Variants in RPH3A observed in about 807,000 individuals in gnomAD.
The protein encoded by RPH3A is rabphilin-3A.
RPH3A carries 48 observed loss-of-function variants against 102.2 expected under a neutral mutation model. The observed-to-expected ratio is 0.47, with a 90% confidence interval of 0.37 to 0.60. RPH3A has a LOEUF of 0.60. Among genes scored for constraint, RPH3A ranks in the 20% least tolerant of loss-of-function variants. The probability of loss-of-function intolerance (pLI) is 0.00; values close to 1 mark genes in which losing one functional copy is unlikely to be tolerated. For synonymous variants in RPH3A, 310 were observed against 324.3 expected (o/e 0.96, Z 0.47); for missense variants, 781 against 910.1 (o/e 0.86, Z 1.83).
Position 112,791,897 on chromosome 12 carries a change from A to G in RPH3A, c.-255A>G, listed in dbSNP as rs990964738. The G allele has an allele frequency of 1.3e-5, 2 of 151,264 alleles. No individual in the cohort carries two copies. Among genetic ancestry groups the G allele is most frequent in the South Asian group, 2.1e-4 (1 of 4,704 alleles). 9.4% of individuals were successfully genotyped at this position (151,264 alleles called of 1,614,324 possible). ...GAGAGAGAGAGAGAGAGAGAGAGAGAGAGAGAGACTCACAGAGCTAAAACC... is the reference window on the plus strand; with the variant it reads ...GAGAGAGAGAGAGAGAGAGAGAGAGGGAGAGAGACTCACAGAGCTAAAACC... On this transcript the variant is annotated 5_prime_UTR_variant, in exon 1 of 22. Coordinates refer to ENST00000389385, the MANE Select transcript of RPH3A (RefSeq NM_001143854.2).
chr12:112,829,267 C>CTTTTT, intron 3 of RPH3A, among the ~76,000 whole-genome samples: 1 of 148,286 alleles, frequency 6.7e-6, no homozygotes, highest in Non-Finnish European at 1.5e-5. Context: ...AAGAGAAAGG[C>CTTTTT]TTTTTTTTTT....
intron 1 of RPH3A, among the ~76,000 whole-genome samples, chr12:112,761,032 T>G (rs1362553907): frequency 6.6e-6 from 1 of 152,048 alleles, no homozygotes. Context: ...GTCATACAAA[T>G]AATTAGAGCT....
At chr12:112,817,229 C>A (rs376748562) in intron 2 of RPH3A, among the ~76,000 whole-genome samples, 54 of 152,236 alleles carry the variant, frequency 3.5e-4, no homozygotes, top group African/African-American at 1.3e-3. Context: ...TCAGCCCTGG[C>A]CCCACTTTCT....
intron 2 of RPH3A, among the ~76,000 whole-genome samples, chr12:112,827,455 G>A (rs893181246): frequency 7.2e-5 from 11 of 152,154 alleles, no homozygotes; most frequent in African/African-American, 2.4e-4. Context: ...TCATCAGTTG[G>A]TGAATACTGG....
intron 1 of RPH3A, among the ~76,000 whole-genome samples, chr12:112,676,400 G>T (rs1188419652): frequency 6.6e-6 from 1 of 152,230 alleles, no homozygotes; most frequent in Non-Finnish European, 1.5e-5. Flanking sequence ...GGCCGAATCT[G>T]CTCATCAAAG....
intron 1 of RPH3A, among the ~76,000 whole-genome samples, chr12:112,727,458 G>GACACACACACACAC (rs60493848): frequency 3.3e-4 from 10 of 30,614 alleles, no homozygotes; most frequent in African/African-American, 2.0e-3. Context: ...CACAGACACA[G>GACACACACACACAC]ACACACACAC....
intron 19 of RPH3A, chr12:112,893,380 G>A (rs1342992936): frequency 1.3e-5 from 2 of 152,206 alleles, no homozygotes; most frequent in Non-Finnish European, 2.9e-5. Flanking sequence ...TCAAGAAACA[G>A]AGGCACGGTA....
At chr12:112,733,583 C>G (rs762108272) in intron 1 of RPH3A, among the ~76,000 whole-genome samples, 1 of 152,092 alleles carries the variant, frequency 6.6e-6, no homozygotes, top group Non-Finnish European at 1.5e-5. Context: ...AGTGACGAGG[C>G]CTTAGTACCC....
At chr12:112,598,147 G>T (rs761855254) in intron 1 of RPH3A, among the ~76,000 whole-genome samples, 1 of 152,168 alleles carries the variant, frequency 6.6e-6, no homozygotes, top group Admixed American at 6.5e-5. Context: ...TGGGAGGCTG[G>T]GTTGAACATA....
chr12:112,667,561 A>T (rs1233666785), intron 1 of RPH3A, among the ~76,000 whole-genome samples: 1 of 151,928 alleles, frequency 6.6e-6, no homozygotes, highest in Admixed American at 6.6e-5. Context: ...ATATAAAGGG[A>T]CTGATTAAAA....
At chr12:112,769,030 G>A (rs954767002) in intron 1 of RPH3A, among the ~76,000 whole-genome samples, 5 of 152,144 alleles carry the variant, frequency 3.3e-5, no homozygotes, top group African/African-American at 9.7e-5. Flanking sequence ...CTTCGTGTTC[G>A]TGTTAGCCCC....
intron 5 of RPH3A, among the ~76,000 whole-genome samples, chr12:112,852,660 G>A (rs1410409518): frequency 6.6e-6 from 1 of 152,156 alleles, no homozygotes; most frequent in Non-Finnish European, 1.5e-5. Context: ...AGTGGCCAGA[G>A]GTGCCAGGCT....
chr12:112,662,066 G>A (rs1011033047), intron 1 of RPH3A, among the ~76,000 whole-genome samples: 1 of 152,294 alleles, frequency 6.6e-6, no homozygotes, highest in Non-Finnish European at 1.5e-5. Context: ...AGGACAAAAT[G>A]CTGAAAGTCA....
At chr12:112,856,917 T>G (rs2136204483) in intron 5 of RPH3A, among the ~76,000 whole-genome samples, 1 of 152,276 alleles carries the variant, frequency 6.6e-6, no homozygotes, top group Non-Finnish European at 1.5e-5. Flanking sequence ...GGAGATTTCC[T>G]GGGGTCACAG....
intron 1 of RPH3A, among the ~76,000 whole-genome samples, chr12:112,785,215 T>G (rs1183125168): frequency 1.7e-5 from 2 of 116,558 alleles, no homozygotes; most frequent in Non-Finnish European, 3.6e-5. Context: ...AAAGCGAAAC[T>G]CCCATCTCAA....
intron 1 of RPH3A, among the ~76,000 whole-genome samples, chr12:112,638,119 T>C (rs907067208): frequency 2.0e-5 from 3 of 152,094 alleles, no homozygotes; most frequent in Admixed American, 1.3e-4. Context: ...TTAGTTCCCA[T>C]GAAAGCTGAT....
At chr12:112,655,509 G>A (rs2040004661) in intron 1 of RPH3A, among the ~76,000 whole-genome samples, 1 of 149,460 alleles carries the variant, frequency 6.7e-6, no homozygotes, top group African/African-American at 2.5e-5. Context: ...TTCAATCTAG[G>A]TCAATAGAAG....
Position 112,829,014 on chromosome 12 carries a change from A to T in RPH3A, c.71+625A>T, listed in dbSNP as rs368331499. ...AGCTCTCCAGTTTTCCACTGTCCCC[A>T]TCATTCCTTGTTGGTCTCTAATACC... On this transcript the variant is annotated intron_variant, in intron 3 of 21. Coordinates refer to ENST00000389385, the MANE Select transcript of RPH3A (RefSeq NM_001143854.2). Among the ~76,000 whole-genome samples the T allele has an allele frequency of 2.6e-5, 4 of 152,294 alleles. No homozygotes were observed. In the East Asian group the frequency reaches 7.7e-4, roughly 29 times the overall value.
At chr12:112,678,042 C>T (rs1028928872) in intron 1 of RPH3A, among the ~76,000 whole-genome samples, 9 of 151,718 alleles carry the variant, frequency 5.9e-5, no homozygotes, top group Non-Finnish European at 1.0e-4. Context: ...AGTAAAAATA[C>T]AAACATTAGC....
Sources: allele counts gnomAD v4.1 joint callset (sites outside exome capture counted in the v4.1 genomes callset), GRCh38; gene constraint gnomAD v4.1.1; transcripts MANE v1.5; gene names NCBI Gene and HGNC (gene_info 2026-07-23, HGNC 2026-07-21).